Variants in FNDC3B observed in about 807,000 individuals in gnomAD.
FNDC3B encodes fibronectin type III domain-containing protein 3B.
A neutral mutation model predicts 151.5 loss-of-function variants in FNDC3B; 12 were observed. The observed-to-expected ratio is 0.08, with a 90% CI of 0.05 to 0.13. FNDC3B has a LOEUF of 0.13. Ranked by LOEUF, FNDC3B falls within the 10% of genes least tolerant of loss-of-function variation. The pLI, the probability that FNDC3B is intolerant of heterozygous loss-of-function variation, is 1.00. For synonymous variants in FNDC3B, 528 were observed against 549.0 expected, an observed-to-expected ratio of 0.96 and a Z score of 0.54; for missense variants, 1,214 against 1,505.3, an observed-to-expected ratio of 0.81 and a Z score of 3.20.
intron 3 of FNDC3B, among the ~76,000 whole-genome samples, chr3:172,218,134 G>GAAAAA: frequency 1.6e-5 from 1 of 62,740 alleles, no homozygotes; most frequent in Non-Finnish European, 3.1e-5. Flanking sequence ...CGACTTTCAG[G>GAAAAA]AAAAAAAAAA....
At chr3:172,261,960 G>T (rs1482916354) in intron 6 of FNDC3B, among the ~76,000 whole-genome samples, 2 of 152,162 alleles carry the variant, frequency 1.3e-5, no homozygotes, top group African/African-American at 4.8e-5. Flanking sequence ...CCAGGTCATG[G>T]TGGGGATGAT....
intron 16 of FNDC3B, among the ~76,000 whole-genome samples, chr3:172,338,696 T>TCACCAAAA (rs1733118482): frequency 6.6e-6 from 1 of 152,212 alleles, no homozygotes; most frequent in Non-Finnish European, 1.5e-5. Context: ...ATCTCACCAC[T>TCACCAAAA]GTAATAATCT....
At chr3:172,378,215 T>A in intron 23 of FNDC3B, 55 bp from the exon 24 acceptor site, 1 of 1,464,092 alleles carries the variant, frequency 6.8e-7, no homozygotes, top group Non-Finnish European at 9.2e-7. Flanking sequence ...TCATAATTAA[T>A]TTCTTGTCAT....
At chr3:172,074,913 C>T (rs549419263) in intron 1 of FNDC3B, among the ~76,000 whole-genome samples, 6 of 152,304 alleles carry the variant, frequency 3.9e-5, no homozygotes, top group South Asian at 2.1e-4. Flanking sequence ...TTGCCTTGCA[C>T]GAGTGAAAGC....
At chr3:172,275,184 A>G (rs1179752585) in intron 6 of FNDC3B, among the ~76,000 whole-genome samples, 1 of 152,138 alleles carries the variant, frequency 6.6e-6, no homozygotes, top group Non-Finnish European at 1.5e-5. Context: ...TCGTCTGTAG[A>G]GTGAAATATG....
At chr3:172,190,460 C>T (rs987167641) in intron 3 of FNDC3B, among the ~76,000 whole-genome samples, 1 of 152,220 alleles carries the variant, frequency 6.6e-6, no homozygotes, top group African/African-American at 2.4e-5. Context: ...ATCTATTTCA[C>T]TCAGCATTTG....
intron 21 of FNDC3B, among the ~76,000 whole-genome samples, chr3:172,350,514 A>G (rs1209864349): frequency 6.6e-6 from 1 of 152,232 alleles, no homozygotes; most frequent in Non-Finnish European, 1.5e-5. Context: ...ATAATTTGTC[A>G]TGTTAAAATT....
At chr3:172,326,723 A>G (rs1442599148) in intron 11 of FNDC3B, among the ~76,000 whole-genome samples, 9 of 152,156 alleles carry the variant, frequency 5.9e-5, no homozygotes, top group Non-Finnish European at 1.0e-4. Flanking sequence ...CTCCCCTTCG[A>G]ACCCTCCCCA....
chr3:172,307,369 T>C lies in FNDC3B; in HGVS notation c.1068T>C (p.Tyr356=), dbSNP rs1256865358. The C allele has an allele frequency of 1.2e-6, 2 of 1,614,128 alleles. No individual in the cohort carries two copies. The highest frequency in any genetic ancestry group is 1.7e-6 in the Non-Finnish European group (2 of 1,179,988). ...RPATDYHVRV[Y]AMYNSVKGSC... ...GTGTCTGTTTTGTTTTCAGGGTGTATGCCATGTACAATTCCGTAAAGGGAT... is the reference window on the plus strand; with the variant it reads ...GTGTCTGTTTTGTTTTCAGGGTGTACGCCATGTACAATTCCGTAAAGGGAT... Residue 356 remains tyrosine, a synonymous_variant, in exon 10 of 26, where the codon TAT becomes TAC. Transcript: ENST00000415807.
rs767731629 is a variant in FNDC3B, at chr3:172,329,083, C to T, written c.1379+7C>T. On this transcript the variant is annotated splice_region_variant and intron_variant, in intron 12 of 25. Coordinates refer to ENST00000415807, the MANE Select transcript of FNDC3B (RefSeq NM_022763.4). ...GAAACGACATTGGTACCAGGTATGA[C>T]GTTTCCTTGTCCTCTTGCCCTTCAG... is the stretch of plus-strand genomic sequence containing the variant. The T allele has an allele frequency of 1.4e-5, 22 of 1,607,314 alleles. No homozygotes were observed. The highest frequency in any genetic ancestry group is 2.7e-5 in the African/African-American group (2 of 74,788).
At chr3:172,379,736 G>T (rs1184256224) in intron 24 of FNDC3B, among the ~76,000 whole-genome samples, 1 of 152,052 alleles carries the variant, frequency 6.6e-6, no homozygotes, top group African/African-American at 2.4e-5. Context: ...ACCAAGGAAG[G>T]GTGGCCACAT....
intron 3 of FNDC3B, among the ~76,000 whole-genome samples, chr3:172,173,508 C>T (rs756744530): frequency 6.6e-5 from 10 of 151,464 alleles, no homozygotes; most frequent in Non-Finnish European, 1.2e-4. Context: ...TTAAAGCCTT[C>T]TGTAGGCATG....
rs1473229836 is a variant in FNDC3B, at chr3:172,247,621, C to T, written c.353C>T (p.Ser118Phe). 2 of 1,614,018 alleles carry T rather than the reference C, an allele frequency of 1.2e-6. No homozygotes were observed. Among genetic ancestry groups the T allele is most frequent in the Non-Finnish European group, 1.7e-6 (2 of 1,180,020 alleles). ...CCCCCAAGCTACCCCTCAGCCATGTCTCCAACCCATCATCTCCCTCCCTAT... is the reference window on the plus strand; with the variant it reads ...CCCCCAAGCTACCCCTCAGCCATGTTTCCAACCCATCATCTCCCTCCCTAT... Reference protein sequence around the residue: ...CYPPSYPSAMSPTHHLPPYLT... With the variant: ...CYPPSYPSAMFPTHHLPPYLT... Residue 118 changes from serine (S) to phenylalanine (F), a missense_variant, in exon 5 of 26, where the codon TCT becomes TTT. Coordinates refer to ENST00000415807, the MANE Select transcript of FNDC3B (RefSeq NM_022763.4).
At chr3:172,343,192 T>C in intron 18 of FNDC3B, 76 bp downstream of exon 18, 1 of 801,718 alleles carries the variant, frequency 1.2e-6, no homozygotes, top group Non-Finnish European at 2.2e-6. Context: ...TGTAGTTAAG[T>C]TTCAAAGCTT....
intron 3 of FNDC3B, among the ~76,000 whole-genome samples, chr3:172,140,677 T>C (rs1721581110): frequency 6.6e-6 from 1 of 152,188 alleles, no homozygotes; most frequent in Admixed American, 6.5e-5. Context: ...AAGGCTGTGA[T>C]TGTACGTGCA....
intron 9 of FNDC3B, chr3:172,301,684 C>T (rs907256158): frequency 2.0e-4 from 30 of 152,258 alleles, no homozygotes; most frequent in African/African-American, 7.2e-4. Flanking sequence ...CATAATGAGA[C>T]CTTGTCTCTA....
rs534160795 is a variant in FNDC3B, at chr3:172,337,463, A to G, written c.1852+62A>G. 139 of 1,042,310 alleles carry G rather than the reference A, an allele frequency of 1.3e-4. 1 individual carries two copies. In the African/African-American group the frequency reaches 1.6e-3, roughly 12 times the overall value. 64.6% of individuals were successfully genotyped at this position (1,042,310 alleles called of 1,614,324 possible). The stretch of plus-strand genomic sequence containing the variant: ...AGCAAGCTCTGTTTTCTAATATAGT[A>G]AATGTCTTTATAGTAATAGTGAGTA... On this transcript the variant is annotated intron_variant, in intron 16 of 25. Coordinates refer to ENST00000415807, the MANE Select transcript of FNDC3B (RefSeq NM_022763.4).
Position 172,250,887 on chromosome 3 carries a change from G to T in FNDC3B, c.509-373G>T, listed in dbSNP as rs563533797. ...GCTGGAGTGCAGTGATGCAATCTCA[G>T]TTCACTGCAACCTCCGCCTCCAGGG... On this transcript the variant is annotated intron_variant, in intron 5 of 25. Transcript: ENST00000415807. 2.6e-5 allele frequency among the ~76,000 whole-genome samples: 4 copies of T among 152,286 alleles called. No homozygotes were observed. The South Asian group carries it at 8.3e-4, about 32-fold the overall frequency.
intron 4 of FNDC3B, among the ~76,000 whole-genome samples, chr3:172,241,884 T>C (rs1727512169): frequency 6.6e-6 from 1 of 152,234 alleles, no homozygotes; most frequent in Admixed American, 6.5e-5. Flanking sequence ...CAAAGTCTCA[T>C]CTGAGACAAA....
Sources: allele counts gnomAD v4.1 joint callset (sites outside exome capture counted in the v4.1 genomes callset), GRCh38; gene constraint gnomAD v4.1.1; transcripts MANE v1.5; gene names NCBI Gene and HGNC (gene_info 2026-07-23, HGNC 2026-07-21).